MDH2: variants seen among roughly 807,000 people sequenced by gnomAD.
MDH2 encodes the protein malate dehydrogenase, mitochondrial.
A neutral mutation model predicts 33.6 loss-of-function variants in MDH2; 25 were observed. That is an observed-to-expected ratio of 0.74 (90% CI 0.54 to 1.04). The LOEUF (loss-of-function observed/expected upper bound fraction) is 1.04. MDH2 is among the 50% of genes least tolerant of loss of function. The pLI is 0.00. For missense variants in MDH2, 432 were observed against 445.0 expected (o/e 0.97, Z 0.26); for synonymous variants, 193 against 188.7 (o/e 1.02, Z -0.19).
chr7:76,066,489 AT>A lies in MDH2; in HGVS notation c.*83del, dbSNP rs1798101210. 1 of 1,497,814 alleles carries A rather than the reference AT, an allele frequency of 6.7e-7. No individual in the cohort carries two copies. Among genetic ancestry groups the A allele is most frequent in the Non-Finnish European group, 8.9e-7 (1 of 1,119,574 alleles). The allele number at this position is 1,497,814 out of a possible 1,614,324, so 92.8% of individuals were successfully genotyped here. A position where few individuals can be genotyped will look rare whatever the true frequency, so the allele number is the denominator to read the frequency against. ...CAAAGCCGTTGCAGATAAACTTTGT[AT>A]TTTAATTTGCTTTGGTGATGATTAC... On this transcript the variant is annotated 3_prime_UTR_variant, in exon 9 of 9. Transcript: ENST00000315758.
chr7:76,059,804 G>T (rs956575072), intron 4 of MDH2, among the ~76,000 whole-genome samples: 1 of 152,214 alleles, frequency 6.6e-6, no homozygotes, highest in African/African-American at 2.4e-5. Context: ...GAGCTAACCA[G>T]TGCCTAATAG....
chr7:76,057,618 T>G, intron 3 of MDH2, 125 bp downstream of exon 3: 1 of 927,930 alleles, frequency 1.1e-6, no homozygotes, highest in South Asian at 1.6e-5. Context: ...CAGCTCCCCT[T>G]TCCTGTGGGG....
chr7:76,052,053 C>T (rs1300261423), intron 1 of MDH2, among the ~76,000 whole-genome samples: 4 of 152,174 alleles, frequency 2.6e-5, no homozygotes, highest in Non-Finnish European at 5.9e-5. Flanking sequence ...GCAAAGAAAC[C>T]AGTGAGGCAG....
intron 1 of MDH2, among the ~76,000 whole-genome samples, chr7:76,050,936 C>T (rs1176630522): frequency 4.6e-5 from 7 of 152,208 alleles, no homozygotes; most frequent in African/African-American, 1.4e-4. Context: ...GGCTGGAGTA[C>T]AGTGGCGTGA....
At chr7:76,065,535 A>T (rs1296398182) in intron 8 of MDH2, among the ~76,000 whole-genome samples, 3 of 152,234 alleles carry the variant, frequency 2.0e-5, no homozygotes, top group African/African-American at 7.2e-5. Flanking sequence ...GCTCCGATAC[A>T]GAAAGATCCT....
chr7:76,048,683 C>G, intron 1 of MDH2: 2 of 1,244,332 alleles, frequency 1.6e-6, no homozygotes, highest in Non-Finnish European at 2.0e-6. Context: ...CAAACCGAGG[C>G]TAGAGAACTG....
chr7:76,054,401 C>G (rs1367075695), intron 1 of MDH2: 2 of 215,838 alleles, frequency 9.3e-6, no homozygotes, highest in Non-Finnish European at 1.8e-5. Flanking sequence ...TCTCCCTGCT[C>G]CTAATGCATC....
intron 5 of MDH2, among the ~76,000 whole-genome samples, chr7:76,062,561 G>A (rs931565257): frequency 6.6e-6 from 1 of 152,306 alleles, no homozygotes; most frequent in African/African-American, 2.4e-5. Context: ...CATGGCCATC[G>A]GGGCAGGTGG....
chr7:76,060,311 C>G, intron 4 of MDH2, 62 bp from the exon 5 acceptor site: 1 of 1,591,498 alleles, frequency 6.3e-7, no homozygotes, highest in Non-Finnish European at 8.6e-7. Context: ...CCTTTTCCTG[C>G]TGTGGCTTGG....
intron 8 of MDH2, among the ~76,000 whole-genome samples, chr7:76,065,491 C>G (rs925230247): frequency 6.6e-6 from 1 of 152,182 alleles, no homozygotes; most frequent in Non-Finnish European, 1.5e-5. Flanking sequence ...AGTAATATGG[C>G]TCACTGGGCC....
At chr7:76,051,856 A>G (rs1465372041) in intron 1 of MDH2, among the ~76,000 whole-genome samples, 2 of 152,172 alleles carry the variant, frequency 1.3e-5, no homozygotes, top group Non-Finnish European at 2.9e-5. Flanking sequence ...CACCCAGCAA[A>G]GGTCAGCGGG....
intron 3 of MDH2, 87 bp downstream of exon 3, chr7:76,057,580 G>A: frequency 7.3e-7 from 1 of 1,376,504 alleles, no homozygotes; most frequent in Admixed American, 2.0e-5. Context: ...GATTTAATCT[G>A]GTTGCTTTGT....
At position 76,057,994 on chromosome 7, in the gene MDH2, C is replaced by T. The variant is rs1554586510; in HGVS notation, c.345C>T (p.Asn115=). 2 of 1,614,146 alleles carry T rather than the reference C, an allele frequency of 1.2e-6. No homozygotes were observed. The highest frequency in any genetic ancestry group is 3.3e-5 in the Admixed American group (2 of 60,026). ...GCATGACCCGGGACGACCTGTTCAACACCAATGCCACGATTGTGGCCACCC... is the reference window on the plus strand; with the variant it reads ...GCATGACCCGGGACGACCTGTTCAATACCAATGCCACGATTGTGGCCACCC... ...KPGMTRDDLF[N]TNATIVATLT... Residue 115 remains asparagine (N), a synonymous_variant, in exon 4 of 9, where the codon AAC becomes AAT. Coordinates refer to ENST00000315758, the MANE Select transcript of MDH2 (RefSeq NM_005918.4).
chr7:76,065,185 G>C, intron 8 of MDH2: 1 of 480,448 alleles, frequency 2.1e-6, no homozygotes, highest in Non-Finnish European at 3.7e-6. Flanking sequence ...TTTGACAGCG[G>C]GTGCCCAGCA....
chr7:76,050,629 TCTTC>T (rs1247304625), intron 1 of MDH2, among the ~76,000 whole-genome samples: 1 of 152,214 alleles, frequency 6.6e-6, no homozygotes, highest in Non-Finnish European at 1.5e-5. Context: ...AATGACTTGC[TCTTC>T]CTTCCATTTT....
intron 5 of MDH2, 131 bp from the exon 6 acceptor site, chr7:76,063,384 C>T: frequency 1.2e-6 from 1 of 804,010 alleles, no homozygotes; most frequent in Non-Finnish European, 2.1e-6. Flanking sequence ...TGGACAGGGC[C>T]TCCTCCTAGC....
At chr7:76,065,058 C>A in intron 8 of MDH2, 105 bp downstream of exon 8, 1 of 1,361,590 alleles carries the variant, frequency 7.3e-7, no homozygotes. Flanking sequence ...AGCTCATGTG[C>A]CTGCCTGGCG....
chr7:76,048,308 C>T (rs1452395493), intron 1 of MDH2, 82 bp downstream of exon 1: 13 of 1,486,720 alleles, frequency 8.7e-6, no homozygotes, highest in Non-Finnish European at 1.2e-5. Flanking sequence ...GCAGCTCTGA[C>T]CCTCTCCAGG....
chr7:76,049,871 CGACAGGCT>C (rs1797558926), intron 1 of MDH2, among the ~76,000 whole-genome samples: 1 of 152,116 alleles, frequency 6.6e-6, no homozygotes, highest in Admixed American at 6.5e-5. Context: ...CTCGCCCTGT[CGACAGGCT>C]GGAGTGCAGT....
Sources: gnomAD v4.1 joint callset for allele counts (sites outside exome capture counted in the v4.1 genomes callset) on GRCh38, gnomAD v4.1.1 for gene constraint, MANE v1.5 for transcripts, NCBI Gene and HGNC (gene_info 2026-07-23, HGNC 2026-07-21) for gene names.